The following ST6GALNAC6 variants were observed in gnomAD, a reference collection of about 807,000 sequenced individuals.
ST6GALNAC6 encodes the protein ST6 N-acetylgalactosaminide alpha-2,6-sialyltransferase 6.
In ST6GALNAC6, 19 loss-of-function variants were observed where a neutral mutation model predicts 34.3. The observed-to-expected ratio is 0.55, with a 90% confidence interval of 0.39 to 0.81. The LOEUF is 0.81. ST6GALNAC6 is among the 40% of genes least tolerant of loss of function. The pLI is 0.00. For synonymous variants in ST6GALNAC6, 185 were observed against 182.1 expected, an observed-to-expected ratio of 1.02 and a Z score of -0.13; for missense variants, 377 against 467.7, an observed-to-expected ratio of 0.81 and a Z score of 1.79.
At chr9:127,898,317 C>T (rs1442950042) in intron 1 of ST6GALNAC6, among the ~76,000 whole-genome samples, 1 of 152,140 alleles carries the variant, frequency 6.6e-6, no homozygotes, top group African/African-American at 2.4e-5. Flanking sequence ...CGCTTGAACC[C>T]GGGAGGCGGA....
In ST6GALNAC6 at chr9:127,886,792, G is replaced by C. The variant is rs1829785586; in HGVS notation, c.813-4C>G. On this transcript the variant is annotated splice_region_variant and splice_polypyrimidine_tract_variant and intron_variant, in intron 6 of 6. Transcript: ENST00000373146. ...GCGCTGGAGGCGGGGCCGCTGGCTGGGACAGAGCAGACGGGCGTCATCAGG... is the reference window on the plus strand; with the variant it reads ...GCGCTGGAGGCGGGGCCGCTGGCTGCGACAGAGCAGACGGGCGTCATCAGG... 8 of 1,599,040 alleles carry C rather than the reference G, an allele frequency of 5.0e-6. No homozygotes were observed. Among genetic ancestry groups the C allele is most frequent in the Non-Finnish European group, 6.8e-6 (8 of 1,172,314 alleles).
chr9:127,903,367 A>T (rs1830827815), upstream of ST6GALNAC6: 1 of 152,196 alleles, frequency 6.6e-6, no homozygotes, highest in Non-Finnish European at 1.5e-5. Context: ...GTCTGGAAGG[A>T]CCCACAAGGA....
upstream of ST6GALNAC6, among the ~76,000 whole-genome samples, chr9:127,906,443 G>C (rs1830917517): frequency 6.6e-6 from 1 of 152,096 alleles, no homozygotes; most frequent in Non-Finnish European, 1.5e-5. Context: ...GCCTGGAAGG[G>C]GTGATGCTTG....
intron 2 of ST6GALNAC6, chr9:127,896,919 A>G (rs1223276146): frequency 1.0e-6 from 1 of 985,124 alleles, no homozygotes; most frequent in Non-Finnish European, 1.2e-6. Context: ...ACAGCCACGG[A>G]GATTCAGGAA....
chr9:127,888,037 A>G (rs984292723), intron 5 of ST6GALNAC6, among the ~76,000 whole-genome samples: 7 of 152,206 alleles, frequency 4.6e-5, no homozygotes, highest in Non-Finnish European at 2.9e-5. Flanking sequence ...CTGTGCTCAC[A>G]CTACAGTGGC....
In ST6GALNAC6 at chr9:127,897,966, G is replaced by T. The variant is rs769529575; in HGVS notation, c.16C>A (p.Pro6Thr). Residue 6 changes from proline to threonine, a missense_variant, in exon 2 of 7, where the codon CCC becomes ACC. By Grantham distance (38) the Pro-to-Thr change is conservative. Coordinates refer to ENST00000373146, the MANE Select transcript of ST6GALNAC6 (RefSeq NM_013443.5). ...GGTTTCACCACTTACTGGCTGGGGG[G>T]CCTCGAGCAAGCCATGTGACCTCTC... MACSR[P>T]PSQCEPTSLP... 1 of 1,604,124 alleles carries T rather than the reference G, an allele frequency of 6.2e-7. No homozygotes were observed. The highest frequency in any genetic ancestry group is 1.1e-5 in the South Asian group (1 of 90,178).
At chr9:127,898,391 C>T (rs1176132033) in intron 1 of ST6GALNAC6, among the ~76,000 whole-genome samples, 4 of 151,114 alleles carry the variant, frequency 2.6e-5, no homozygotes, top group African/African-American at 9.7e-5. Context: ...GACTCCGTCT[C>T]AAAAACAAAA....
At chr9:127,887,020 T>C (rs947842952) in intron 6 of ST6GALNAC6, among the ~76,000 whole-genome samples, 1 of 151,158 alleles carries the variant, frequency 6.6e-6, no homozygotes, top group Admixed American at 6.6e-5. Flanking sequence ...AAGGCGGCAG[T>C]GTGGAGCAGT....
In ST6GALNAC6 at chr9:127,886,189, G is replaced by T. The variant is rs367607414; in HGVS notation, c.*410C>A. On this transcript the variant is annotated 3_prime_UTR_variant, in exon 7 of 7. Coordinates refer to ENST00000373146, the MANE Select transcript of ST6GALNAC6 (RefSeq NM_013443.5). Reference sequence around the variant, plus strand: ...CTCTCTTTCTGGTGCTGGAAATTGAGGGGGCAACACCAAGTTCCCAGCTCC... The same window carrying T: ...CTCTCTTTCTGGTGCTGGAAATTGATGGGGCAACACCAAGTTCCCAGCTCC... The T allele has an allele frequency of 7.4e-5, 22 of 295,624 alleles. No homozygotes were observed. Among genetic ancestry groups the T allele is most frequent in the East Asian group, 3.8e-4 (7 of 18,436 alleles). 18.3% of individuals were successfully genotyped at this position (295,624 alleles called of 1,614,324 possible). A position where few individuals can be genotyped will look rare whatever the true frequency, so the allele number is the denominator to read the frequency against.
At chr9:127,902,607 G>T, upstream of ST6GALNAC6, among the ~76,000 whole-genome samples, 1 of 137,104 alleles carries the variant, frequency 7.3e-6, no homozygotes, top group Admixed American at 7.2e-5. Context: ...TTATTATTTT[G>T]AGACAGACTT....
chr9:127,903,249 G>A (rs1006780432), upstream of ST6GALNAC6: 4 of 151,716 alleles, frequency 2.6e-5, no homozygotes, highest in African/African-American at 7.3e-5. Context: ...CGCCCGCCTC[G>A]GCCTCCTAAA....
At chr9:127,897,203 C>T (rs1355076714) in intron 2 of ST6GALNAC6, 8 of 985,726 alleles carry the variant, frequency 8.1e-6, no homozygotes, top group Non-Finnish European at 9.6e-6. Context: ...GGGTTCCCCA[C>T]CTGTGAAAGG....
intron 4 of ST6GALNAC6, among the ~76,000 whole-genome samples, chr9:127,892,564 C>T (rs1830211558): frequency 6.6e-6 from 1 of 152,186 alleles, no homozygotes; most frequent in African/African-American, 2.4e-5. Context: ...TTGTCTCACC[C>T]CCCGCACACC....
rs1830672178 is a variant in ST6GALNAC6 at position 127,899,558 on chromosome 9, G to C, written c.-85C>G. On this transcript the variant is annotated 5_prime_UTR_variant, in exon 1 of 7. Coordinates refer to ENST00000373146, the MANE Select transcript of ST6GALNAC6 (RefSeq NM_013443.5). ...CCCCCGAGCCCCCTCACATGGCGCC[G>C]GGAGCCGAGCGCCGGGGTCCGCGCT... 4.1e-6 allele frequency: 4 copies of C among 980,876 alleles called. No homozygotes were observed. 60.8% of individuals were successfully genotyped at this position (980,876 alleles called of 1,614,324 possible).
intron 2 of ST6GALNAC6, chr9:127,897,465 A>C (rs1830537246): frequency 2.0e-6 from 2 of 985,948 alleles, no homozygotes; most frequent in Non-Finnish European, 2.4e-6. Context: ...GATTGGTTAG[A>C]TCATGGCCCC....
chr9:127,897,502 C>G, intron 2 of ST6GALNAC6: 1 of 921,650 alleles, frequency 1.1e-6, no homozygotes, highest in Non-Finnish European at 1.3e-6. Flanking sequence ...CGCCCCCTCC[C>G]CGTGGGAGCG....
At position 127,897,256 on chromosome 9, in the gene ST6GALNAC6, G is replaced by A. The variant is rs1046694071; in HGVS notation, c.26+700C>T. 9 of 985,804 alleles carry A rather than the reference G, an allele frequency of 9.1e-6. No homozygotes were observed. In the African/African-American group the frequency reaches 1.4e-4, roughly 15 times the overall value. 61.1% of individuals were successfully genotyped at this position (985,804 alleles called of 1,614,324 possible). A position where few individuals can be genotyped will look rare whatever the true frequency, so the allele number is the denominator to read the frequency against. On this transcript the variant is annotated intron_variant, in intron 2 of 6. Transcript: ENST00000373146. ...AGCCTACCTCCAGCAGACAGGCCGG[G>A]GGCAGGGCGGGCAGGAGTGCAGAGG...
upstream of ST6GALNAC6, chr9:127,906,036 T>G: frequency 6.1e-6 from 6 of 985,394 alleles, no homozygotes; most frequent in Non-Finnish European, 7.2e-6. Context: ...CCCCTCCCAT[T>G]CCTGCAGAAA....
chr9:127,897,156 T>A, intron 2 of ST6GALNAC6: 1 of 984,734 alleles, frequency 1.0e-6, no homozygotes, highest in Non-Finnish European at 1.2e-6. Flanking sequence ...CACCCCAATC[T>A]CTTCCTCTCC....
Sources: allele counts gnomAD v4.1 joint callset (sites outside exome capture counted in the v4.1 genomes callset), GRCh38; gene constraint gnomAD v4.1.1; transcripts MANE v1.5; gene names NCBI Gene and HGNC (gene_info 2026-07-23, HGNC 2026-07-21).